The following MTHFD1L variants were observed in gnomAD, a reference collection of about 807,000 sequenced individuals.
The protein encoded by MTHFD1L is monofunctional C1-tetrahydrofolate synthase, mitochondrial.
In MTHFD1L, 81 loss-of-function variants were observed where a neutral mutation model predicts 119.5. The observed-to-expected ratio is 0.68, with a 90% CI of 0.57 to 0.82. The LOEUF (loss-of-function observed/expected upper bound fraction) is 0.82. Among genes scored for constraint, MTHFD1L ranks in the 40% least tolerant of loss-of-function variants. The probability of loss-of-function intolerance (pLI) is 0.00; values close to 1 mark genes in which losing one functional copy is unlikely to be tolerated. For missense variants in MTHFD1L, 1,125 were observed against 1,253.4 expected (o/e 0.90, Z 1.55); for synonymous variants, 430 against 475.2 (o/e 0.90, Z 1.24).
intron 26 of MTHFD1L, among the ~76,000 whole-genome samples, chr6:151,056,278 A>G (rs542483683): frequency 6.5e-4 from 99 of 152,266 alleles, no homozygotes; most frequent in African/African-American, 2.3e-3. Context: ...TTTTTAGGTG[A>G]GAGACTTGAT....
intron 26 of MTHFD1L, among the ~76,000 whole-genome samples, chr6:151,066,995 AT>A (rs36035374): frequency 0.36 from 50,408 of 138,362 alleles, 10,326 homozygotes; most frequent in East Asian, 0.68. Flanking sequence ...TATCAATTTG[AT>A]TTTTTTTTTT....
intron 7 of MTHFD1L, among the ~76,000 whole-genome samples, chr6:150,896,260 T>C (rs942793994): frequency 2.0e-5 from 3 of 152,222 alleles, no homozygotes; most frequent in African/African-American, 7.2e-5. Context: ...TTCACTCTTA[T>C]TTTGTTTTGA....
intron 1 of MTHFD1L, 66 bp from the exon 2 acceptor site, chr6:150,876,024 G>GTGT (rs1224536139): frequency 2.4e-6 from 3 of 1,241,188 alleles, no homozygotes; most frequent in Non-Finnish European, 1.2e-6. Context: ...CACAGAAAAT[G>GTGT]TGTTGTGTCA....
chr6:151,061,150 T>G (rs916495987), intron 26 of MTHFD1L, among the ~76,000 whole-genome samples: 1 of 152,110 alleles, frequency 6.6e-6, no homozygotes, highest in Non-Finnish European at 1.5e-5. Context: ...AGGCGGAAGA[T>G]AGTTGTGTTG....
At chr6:150,875,395 C>G (rs571832171) in intron 1 of MTHFD1L, among the ~76,000 whole-genome samples, 87 of 152,232 alleles carry the variant, frequency 5.7e-4, no homozygotes, top group African/African-American at 1.8e-3. Flanking sequence ...TGGCACCTCC[C>G]TCAGAGGTGG....
Position 150,997,563 on chromosome 6 carries a change from T to C in MTHFD1L, c.2126-12256T>C, listed in dbSNP as rs1440903659. 2.0e-5 allele frequency among the ~76,000 whole-genome samples: 3 copies of C among 152,034 alleles called. No homozygotes were observed. In the East Asian group the frequency reaches 5.8e-4, roughly 29 times the overall value. On this transcript the variant is annotated intron_variant, in intron 20 of 27. Transcript: ENST00000367321. Reference sequence around the variant, plus strand: ...CAGCACTTTGGGAGGCCAAGGCAGGTGGATGCCTCGAGCCCAGGAGTTCGA... The same window carrying C: ...CAGCACTTTGGGAGGCCAAGGCAGGCGGATGCCTCGAGCCCAGGAGTTCGA...
intron 11 of MTHFD1L, among the ~76,000 whole-genome samples, chr6:150,932,161 C>CAAAAAAAA (rs5880902): frequency 1.5e-4 from 6 of 39,466 alleles, no homozygotes; most frequent in East Asian, 8.0e-4. Context: ...GACTCCATCT[C>CAAAAAAAA]AAAAAAAAAA....
chr6:151,059,912 A>T (rs1790428846), intron 26 of MTHFD1L, among the ~76,000 whole-genome samples: 1 of 152,242 alleles, frequency 6.6e-6, no homozygotes, highest in East Asian at 1.9e-4. Flanking sequence ...CTGGTTCCAG[A>T]CTCAAGCCCT....
At chr6:151,069,703 G>C (rs1791744004) in intron 26 of MTHFD1L, among the ~76,000 whole-genome samples, 1 of 152,098 alleles carries the variant, frequency 6.6e-6, no homozygotes, top group Non-Finnish European at 1.5e-5. Flanking sequence ...TCACTTCCCT[G>C]GTGGGATCTC....
chr6:150,918,522 T>G, intron 8 of MTHFD1L, 55 bp from the exon 9 acceptor site: 1 of 1,203,520 alleles, frequency 8.3e-7, no homozygotes, highest in Non-Finnish European at 1.2e-6. Context: ...AAGGAGCAAT[T>G]GGTTAGAAAT....
At chr6:150,889,472 C>A (rs1258264341) in intron 7 of MTHFD1L, among the ~76,000 whole-genome samples, 3 of 152,146 alleles carry the variant, frequency 2.0e-5, no homozygotes, top group African/African-American at 7.2e-5. Context: ...GTTTTTCTTT[C>A]TGAAAAGAAG....
intron 26 of MTHFD1L, among the ~76,000 whole-genome samples, chr6:151,056,279 G>A (rs1461441977): frequency 6.6e-6 from 1 of 152,184 alleles, no homozygotes; most frequent in Non-Finnish European, 1.5e-5. Context: ...TTTTAGGTGA[G>A]AGACTTGATT....
intron 26 of MTHFD1L, among the ~76,000 whole-genome samples, chr6:151,080,464 ATTG>A (rs906843687): frequency 6.6e-6 from 1 of 152,178 alleles, no homozygotes; most frequent in Non-Finnish European, 1.5e-5. Flanking sequence ...TGGTCCTTTC[ATTG>A]TTGTCTGCCT....
intron 26 of MTHFD1L, among the ~76,000 whole-genome samples, chr6:151,054,296 A>T (rs2128585899): frequency 6.6e-6 from 1 of 152,372 alleles, no homozygotes; most frequent in African/African-American, 2.4e-5. Context: ...AGTTAAGTTT[A>T]TGAATTAGAG....
At chr6:151,038,382 G>C (rs1700212680) in intron 26 of MTHFD1L, among the ~76,000 whole-genome samples, 1 of 152,192 alleles carries the variant, frequency 6.6e-6, no homozygotes, top group African/African-American at 2.4e-5. Context: ...TCCTCTCCTG[G>C]GGTGATCCGA....
chr6:151,042,348 A>C (rs1787261221), intron 26 of MTHFD1L, among the ~76,000 whole-genome samples: 1 of 152,252 alleles, frequency 6.6e-6, no homozygotes, highest in African/African-American at 2.4e-5. Flanking sequence ...TGAACGACAT[A>C]ATACCACTTA....
In MTHFD1L at chr6:150,972,025, G is replaced by A. The variant is rs1562477088; in HGVS notation, c.2092G>A (p.Ala698Thr). Residue 698 changes from alanine to threonine, a missense_variant, in exon 20 of 28, where the codon GCC becomes ACC. Coordinates refer to ENST00000367321, the MANE Select transcript of MTHFD1L (RefSeq NM_015440.5). Reference sequence around the variant, plus strand: ...CTCTTCAGTGTTGGCTGATAAAATTGCCCTGAAACTGGTTGGTGAAGAAGG... The same window carrying A: ...CTCTTCAGTGTTGGCTGATAAAATTACCCTGAAACTGGTTGGTGAAGAAGG... ...GNSSVLADKI[A>T]LKLVGEEGFV... is the part of the protein sequence containing the mutation. 1 of 1,613,978 alleles carries A rather than the reference G, an allele frequency of 6.2e-7. No individual in the cohort carries two copies. The highest frequency in any genetic ancestry group is 8.5e-7 in the Non-Finnish European group (1 of 1,180,026).
At chr6:150,942,861 T>A (rs1793362874) in intron 13 of MTHFD1L, among the ~76,000 whole-genome samples, 1 of 152,220 alleles carries the variant, frequency 6.6e-6, no homozygotes, top group South Asian at 2.1e-4. Context: ...TTAAAAAGAA[T>A]AACACTTTCT....
chr6:150,902,287 C>T (rs147123184), intron 7 of MTHFD1L, among the ~76,000 whole-genome samples: 14 of 152,266 alleles, frequency 9.2e-5, no homozygotes, highest in African/African-American at 3.1e-4. Flanking sequence ...CTACTGCACC[C>T]CCACACGCTC....
Sources: allele counts gnomAD v4.1 joint callset (sites outside exome capture counted in the v4.1 genomes callset), GRCh38; gene constraint gnomAD v4.1.1; transcripts MANE v1.5; gene names NCBI Gene and HGNC (gene_info 2026-07-23, HGNC 2026-07-21).